Variants in CCDC7 observed in about 807,000 individuals in gnomAD.
CCDC7 encodes coiled-coil domain-containing protein 7.
CCDC7 carries 183 observed loss-of-function variants against 196.9 expected under a neutral mutation model. The ratio of observed to expected loss-of-function variants is 0.93; its 90% CI spans 0.82 to 1.05. CCDC7 has a LOEUF of 1.05. Among genes scored for constraint, CCDC7 ranks in the 50% least tolerant of loss-of-function variants. The pLI is 0.00. For synonymous variants in CCDC7, 525 were observed against 484.6 expected, an observed-to-expected ratio of 1.08 and a Z score of -1.10; for missense variants, 1,540 against 1,482.2, an observed-to-expected ratio of 1.04 and a Z score of -0.64.
chr10:32,602,824 GT>G (rs2061199148), intron 18 of CCDC7, among the ~76,000 whole-genome samples: 1 of 152,052 alleles, frequency 6.6e-6, no homozygotes, highest in Admixed American at 6.6e-5. Context: ...GCTTGTAAAT[GT>G]TTTTGATGCA....
intron 21 of CCDC7, among the ~76,000 whole-genome samples, chr10:32,677,027 A>C (rs892504114): frequency 5.9e-5 from 9 of 151,418 alleles, no homozygotes; most frequent in African/African-American, 2.0e-4. Flanking sequence ...ATGGAATACT[A>C]TGCAGCCATA....
intron 18 of CCDC7, among the ~76,000 whole-genome samples, chr10:32,605,471 T>C (rs755737028): frequency 2.0e-5 from 3 of 152,162 alleles, no homozygotes; most frequent in Admixed American, 1.3e-4. Flanking sequence ...TGAGGGAGTT[T>C]GGAACTTCGT....
chr10:32,779,899 T>C (rs2080765033), intron 29 of CCDC7, among the ~76,000 whole-genome samples: 1 of 152,126 alleles, frequency 6.6e-6, no homozygotes, highest in Admixed American at 6.5e-5. Flanking sequence ...ATGAAAAGAA[T>C]ATGAAAAACT....
chr10:32,593,543 T>G (rs1260569274), intron 18 of CCDC7, among the ~76,000 whole-genome samples: 2 of 152,232 alleles, frequency 1.3e-5, no homozygotes, highest in Non-Finnish European at 1.5e-5. Flanking sequence ...GGAGAAGCTC[T>G]TTAGTTTAAT....
intron 26 of CCDC7, among the ~76,000 whole-genome samples, chr10:32,727,823 G>A (rs990157365): frequency 5.9e-5 from 9 of 152,252 alleles, no homozygotes; most frequent in Non-Finnish European, 8.8e-5. Flanking sequence ...TTATGCATAA[G>A]TTTGATTGAA....
intron 13 of CCDC7, among the ~76,000 whole-genome samples, chr10:32,562,667 T>C (rs891300493): frequency 2.0e-5 from 3 of 152,020 alleles, no homozygotes; most frequent in African/African-American, 7.3e-5. Context: ...ATAAGAGCTA[T>C]CTATGACAAA....
Position 32,755,810 on chromosome 10 carries a change from G to A in CCDC7, c.2906-23167G>A, listed in dbSNP as rs186548549. On this transcript the variant is annotated intron_variant, in intron 28 of 41. Transcript: ENST00000639629. Reference sequence around the variant, plus strand: ...ACGATCAGTAATAACAAATTTCTCCGAGTCAAAGGAGGATATTCAAACCCA... The same window carrying A: ...ACGATCAGTAATAACAAATTTCTCCAAGTCAAAGGAGGATATTCAAACCCA... 5.5e-4 allele frequency among the ~76,000 whole-genome samples: 84 copies of A among 152,216 alleles called. 1 individual carries two copies. The highest frequency in any genetic ancestry group is 3.2e-3 in the Admixed American group (49 of 15,278).
At chr10:32,451,613 C>A (rs374511671), upstream of CCDC7, 133 of 1,535,042 alleles carry the variant, frequency 8.7e-5, no homozygotes, top group Middle Eastern at 1.6e-3. Context: ...TTTTTTTCAT[C>A]TGTAATTTGG....
chr10:32,749,795 T>C (rs887823793), intron 28 of CCDC7, among the ~76,000 whole-genome samples: 2 of 152,178 alleles, frequency 1.3e-5, no homozygotes, highest in Non-Finnish European at 2.9e-5. Context: ...CTACAAAATA[T>C]GTTACAGGTA....
rs180716200 is a variant in CCDC7, at chr10:32,585,499, A to G, written c.1801+1195A>G. On this transcript the variant is annotated intron_variant, in intron 18 of 41. Transcript: ENST00000639629. ...CATCAACCCGTCATCTACATTAGGT[A>G]TTTCTCCTAATGTTATCCCTCTCCT... 2.6e-3 allele frequency among the ~76,000 whole-genome samples: 401 copies of G among 152,126 alleles called. 2 individuals are homozygous for G. The highest frequency in any genetic ancestry group is 6.8e-3 in the Middle Eastern group (2 of 294).
intron 18 of CCDC7, among the ~76,000 whole-genome samples, chr10:32,595,655 C>T (rs1289823204): frequency 3.3e-5 from 5 of 152,102 alleles, no homozygotes; most frequent in African/African-American, 1.2e-4. Context: ...TTTTAGATCT[C>T]TGCTGCTTTC....
chr10:32,501,055 G>C (rs2043949247), intron 9 of CCDC7, among the ~76,000 whole-genome samples: 1 of 152,230 alleles, frequency 6.6e-6, no homozygotes, highest in Non-Finnish European at 1.5e-5. Flanking sequence ...GAGGGAGAGG[G>C]AGAGGGAGAG....
At chr10:32,815,200 A>G (rs1019106477) in intron 31 of CCDC7, among the ~76,000 whole-genome samples, 1 of 152,202 alleles carries the variant, frequency 6.6e-6, no homozygotes, top group African/African-American at 2.4e-5. Flanking sequence ...ACATGCACAG[A>G]AACAGTACTC....
chr10:32,593,330 G>A (rs1456473977), intron 18 of CCDC7, among the ~76,000 whole-genome samples: 5 of 152,148 alleles, frequency 3.3e-5, no homozygotes, highest in African/African-American at 1.2e-4. Flanking sequence ...GTGTTTTTTG[G>A]CTACATAAAT....
At chr10:32,851,775 G>A in intron 39 of CCDC7, 32 bp from the exon 41 acceptor site, 5 of 1,584,284 alleles carry the variant, frequency 3.2e-6, no homozygotes, top group Non-Finnish European at 4.3e-6. Flanking sequence ...GTCATCTATT[G>A]TATGGCTAAC....
intron 9 of CCDC7, chr10:32,511,266 G>GGGGGA: frequency 3.6e-6 from 2 of 555,612 alleles, no homozygotes; most frequent in Non-Finnish European, 6.1e-6. Context: ...GGGGGCGGGG[G>GGGGGA]GGGCGGGGAA....
chr10:32,828,697 A>T (rs745895196), intron 32 of CCDC7, among the ~76,000 whole-genome samples: 1 of 152,116 alleles, frequency 6.6e-6, no homozygotes, highest in Non-Finnish European at 1.5e-5. Context: ...AATACTTTGC[A>T]GGGCTGGGAC....
intron 25 of CCDC7, among the ~76,000 whole-genome samples, chr10:32,712,972 G>C (rs2081058313): frequency 6.6e-6 from 1 of 152,162 alleles, no homozygotes; most frequent in Admixed American, 6.5e-5. Flanking sequence ...TTTATCCCCA[G>C]AGTGTTAATA....
chr10:32,618,248 A>C (rs1215026440), intron 18 of CCDC7, among the ~76,000 whole-genome samples: 1 of 151,754 alleles, frequency 6.6e-6, no homozygotes, highest in Non-Finnish European at 1.5e-5. Context: ...TTGATATATG[A>C]GGCTTTGTTC....
Sources: gnomAD v4.1 joint callset for allele counts (sites outside exome capture counted in the v4.1 genomes callset) on GRCh38, gnomAD v4.1.1 for gene constraint, MANE v1.5 for transcripts, NCBI Gene and HGNC (gene_info 2026-07-23, HGNC 2026-07-21) for gene names.